The following EIF3H variants were observed in gnomAD, a reference collection of about 807,000 sequenced individuals.
EIF3H encodes eukaryotic translation initiation factor 3 subunit H, also known as eIF-3-gamma.
In EIF3H, 26 loss-of-function variants were observed where a neutral mutation model predicts 44.2. That is an observed-to-expected ratio of 0.59 (90% CI 0.43 to 0.82). The LOEUF is 0.82. Ranked by LOEUF, EIF3H falls within the 40% of genes least tolerant of loss-of-function variation. EIF3H has a pLI of 0.00. For missense variants in EIF3H, 359 were observed against 432.8 expected (o/e 0.83, Z 1.51); for synonymous variants, 166 against 151.9 (o/e 1.09, Z -0.68).
intron 2 of EIF3H, among the ~76,000 whole-genome samples, chr8:116,690,717 T>C (rs1390307942): frequency 6.6e-6 from 1 of 152,206 alleles, no homozygotes; most frequent in East Asian, 1.9e-4. Flanking sequence ...AGGATCTAAT[T>C]ATAATGTATT....
intron 2 of EIF3H, among the ~76,000 whole-genome samples, chr8:116,671,383 TCTCA>T (rs1483071412): frequency 1.4e-4 from 21 of 152,190 alleles, no homozygotes; most frequent in Non-Finnish European, 8.8e-5. Context: ...TTTCAAAGCA[TCTCA>T]AACCAGGTAA....
chr8:116,654,954 T>A (rs1490420060), intron 5 of EIF3H, among the ~76,000 whole-genome samples: 2 of 151,900 alleles, frequency 1.3e-5, no homozygotes, highest in African/African-American at 4.8e-5. Flanking sequence ...AGAAATCTGA[T>A]AAATAATTTA....
At chr8:116,697,527 T>C (rs1814289460) in intron 2 of EIF3H, among the ~76,000 whole-genome samples, 2 of 152,208 alleles carry the variant, frequency 1.3e-5, no homozygotes, top group Non-Finnish European at 2.9e-5. Flanking sequence ...CAACCTACTC[T>C]GTACTCAAGC....
rs535048447 is a variant in EIF3H at position 116,644,790 on chromosome 8, G to A, written c.*216C>T. 45 of 510,720 alleles carry A rather than the reference G, an allele frequency of 8.8e-5. No individual in the cohort carries two copies. Among genetic ancestry groups the A allele is most frequent in the Non-Finnish European group, 1.6e-4 (45 of 286,596 alleles). 31.6% of individuals were successfully genotyped at this position (510,720 alleles called of 1,614,324 possible). A position where few individuals can be genotyped will look rare whatever the true frequency, so the allele number is the denominator to read the frequency against. On this transcript the variant is annotated 3_prime_UTR_variant, in exon 8 of 8. Transcript: ENST00000521861. ...AATAAACAAGTATAAGCAAACAAAA[G>A]TAAGCCAGAGAAAATACATCTAAAA...
intron 2 of EIF3H, among the ~76,000 whole-genome samples, chr8:116,690,264 T>C (rs1814151014): frequency 6.6e-6 from 1 of 151,482 alleles, no homozygotes; most frequent in East Asian, 1.9e-4. Context: ...TTACAGAAAA[T>C]ACAGCAATAT....
intron 1 of EIF3H, among the ~76,000 whole-genome samples, chr8:116,739,284 T>C (rs908642425): frequency 1.3e-5 from 2 of 152,260 alleles, no homozygotes; most frequent in Non-Finnish European, 2.9e-5. Context: ...CCCATCCCTT[T>C]ATTTCCCGTA....
In EIF3H at chr8:116,653,348, A is replaced by AACAC. The variant is rs771922316; in HGVS notation, c.707+2504_707+2507dup. 3.5e-4 allele frequency among the ~76,000 whole-genome samples: 50 copies of AACAC among 144,672 alleles called. 1 individual carries two copies. The highest frequency in any genetic ancestry group is 2.2e-3 in the East Asian group (11 of 4,904). 94.9% of individuals were successfully genotyped at this position (144,672 alleles called of 152,430 possible). A position where few individuals can be genotyped will look rare whatever the true frequency, so the allele number is the denominator to read the frequency against. On this transcript the variant is annotated intron_variant, in intron 5 of 7. Coordinates refer to ENST00000521861, the MANE Select transcript of EIF3H (RefSeq NM_003756.3). ...GCTCTTCAGAAAAAAAACAATCAGA[A>AACAC]ACACACACACACACACACACACAAT... is the stretch of plus-strand genomic sequence containing the variant.
intron 2 of EIF3H, among the ~76,000 whole-genome samples, chr8:116,673,242 G>C (rs1813787257): frequency 6.6e-6 from 1 of 152,040 alleles, no homozygotes; most frequent in Non-Finnish European, 1.5e-5. Flanking sequence ...GAGGATCCTA[G>C]ATATATAAAC....
intron 1 of EIF3H, among the ~76,000 whole-genome samples, chr8:116,749,979 T>C (rs1815299765): frequency 6.6e-6 from 1 of 152,296 alleles, no homozygotes; most frequent in Non-Finnish European, 1.5e-5. Flanking sequence ...AAGGAACAAA[T>C]GTGTTAAAAC....
At chr8:116,686,198 A>G (rs1425019601) in intron 2 of EIF3H, among the ~76,000 whole-genome samples, 2 of 152,108 alleles carry the variant, frequency 1.3e-5, no homozygotes, top group Non-Finnish European at 2.9e-5. Context: ...GCCTTACACA[A>G]CAGTTTACAA....
At chr8:116,681,666 CAAA>C (rs1176033381) in intron 2 of EIF3H, among the ~76,000 whole-genome samples, 3 of 90,758 alleles carry the variant, frequency 3.3e-5, no homozygotes. Context: ...AACTCCATCT[CAAA>C]AAAAAAAAAA....
intron 2 of EIF3H, among the ~76,000 whole-genome samples, chr8:116,678,165 T>G (rs1162236935): frequency 6.8e-6 from 1 of 147,638 alleles, no homozygotes; most frequent in South Asian, 2.1e-4. Flanking sequence ...GGTTTTCGTT[T>G]TTTTTTTTTG....
upstream of EIF3H, chr8:116,755,873 G>C: frequency 6.3e-7 from 1 of 1,587,620 alleles, no homozygotes; most frequent in Non-Finnish European, 8.5e-7. Context: ...GACGTCACTC[G>C]CAGGCCGGCG....
At chr8:116,725,366 C>T (rs1048914974) in intron 2 of EIF3H, among the ~76,000 whole-genome samples, 5 of 152,164 alleles carry the variant, frequency 3.3e-5, no homozygotes, top group African/African-American at 1.2e-4. Context: ...TATGCATACA[C>T]TTAACACTAC....
intron 2 of EIF3H, among the ~76,000 whole-genome samples, chr8:116,681,047 A>G (rs904237771): frequency 6.6e-6 from 1 of 151,980 alleles, no homozygotes; most frequent in Non-Finnish European, 1.5e-5. Context: ...ACAAAAATGT[A>G]CTTAATCTGA....
At chr8:116,705,153 A>G (rs187446937) in intron 2 of EIF3H, among the ~76,000 whole-genome samples, 1 of 152,334 alleles carries the variant, frequency 6.6e-6, no homozygotes, top group Admixed American at 6.5e-5. Flanking sequence ...ATGAATTTAG[A>G]TAATCAACAG....
chr8:116,699,968 G>A (rs1814344224), intron 2 of EIF3H, among the ~76,000 whole-genome samples: 1 of 152,028 alleles, frequency 6.6e-6, no homozygotes, highest in Admixed American at 6.6e-5. Flanking sequence ...CACCACCATG[G>A]CTAATTTTGC....
At chr8:116,703,261 G>A (rs1306380665) in intron 2 of EIF3H, among the ~76,000 whole-genome samples, 2 of 152,154 alleles carry the variant, frequency 1.3e-5, no homozygotes, top group African/African-American at 4.8e-5. Context: ...GGTGAGAAGT[G>A]ACCAGAAGAC....
At chr8:116,750,219 G>A (rs1008767044) in intron 1 of EIF3H, among the ~76,000 whole-genome samples, 3 of 152,296 alleles carry the variant, frequency 2.0e-5, no homozygotes, top group Non-Finnish European at 4.4e-5. Flanking sequence ...GGAGTATACA[G>A]ATTCAAGTTA....
Sources: gnomAD v4.1 joint callset for allele counts (sites outside exome capture counted in the v4.1 genomes callset) on GRCh38, gnomAD v4.1.1 for gene constraint, MANE v1.5 for transcripts, NCBI Gene and HGNC (gene_info 2026-07-23, HGNC 2026-07-21) for gene names.